ABTB2: variants seen among roughly 807,000 people sequenced by gnomAD.
The protein encoded by ABTB2 is ankyrin repeat and BTB domain containing 2.
Under a neutral mutation model 104.1 loss-of-function variants are expected in ABTB2, and 56 were observed. That is an observed-to-expected ratio of 0.54 (90% CI 0.43 to 0.67). The LOEUF is 0.67. ABTB2 is among the 30% of genes least tolerant of loss of function. ABTB2 has a pLI of 0.00. For missense variants in ABTB2, 1,279 were observed against 1,407.7 expected (o/e 0.91, Z 1.46); for synonymous variants, 606 against 608.2 (o/e 1.00, Z 0.05).
intron 3 of ABTB2, among the ~76,000 whole-genome samples, chr11:34,182,906 G>A (rs1357103701): frequency 6.6e-6 from 1 of 152,056 alleles, no homozygotes; most frequent in African/African-American, 2.4e-5. Flanking sequence ...AGAGAGGTGA[G>A]GTCACTTGCC....
chr11:34,181,530 G>T (rs936308952), intron 3 of ABTB2, among the ~76,000 whole-genome samples: 1 of 152,172 alleles, frequency 6.6e-6, no homozygotes, highest in African/African-American at 2.4e-5. Flanking sequence ...AATGAGGCCA[G>T]CCGGTTTGTG....
chr11:34,270,077 A>G (rs1253444739), intron 1 of ABTB2, among the ~76,000 whole-genome samples: 1 of 152,150 alleles, frequency 6.6e-6, no homozygotes, highest in Non-Finnish European at 1.5e-5. Context: ...CCCTTTTCTC[A>G]TGGATGCTTC....
At chr11:34,280,855 T>A (rs1338032210) in intron 1 of ABTB2, among the ~76,000 whole-genome samples, 1 of 152,210 alleles carries the variant, frequency 6.6e-6, no homozygotes, top group East Asian at 1.9e-4. Context: ...GAAGAGGCAG[T>A]GGACTCAAAG....
At chr11:34,180,615 T>C (rs764144215) in intron 3 of ABTB2, among the ~76,000 whole-genome samples, 12 of 152,226 alleles carry the variant, frequency 7.9e-5, no homozygotes, top group African/African-American at 2.7e-4. Context: ...GGTCTTTTTA[T>C]ATGAGAAGCA....
chr11:34,229,330 A>G (rs961664466), intron 1 of ABTB2, among the ~76,000 whole-genome samples: 2 of 151,394 alleles, frequency 1.3e-5, no homozygotes. Context: ...AAATACAAAA[A>G]ATTAGCCAGG....
chr11:34,322,651 G>T (rs528229634), intron 1 of ABTB2, among the ~76,000 whole-genome samples: 2 of 152,070 alleles, frequency 1.3e-5, no homozygotes. Context: ...CAATGGCATT[G>T]TGAGAATTAA....
intron 1 of ABTB2, among the ~76,000 whole-genome samples, chr11:34,323,906 C>CTTTTTTTTTTTTTTTTTT (rs56375939): frequency 1.6e-5 from 1 of 63,878 alleles, no homozygotes; most frequent in Non-Finnish European, 2.7e-5. Flanking sequence ...TAAATTCCCT[C>CTTTTTTTTTTTTTTTTTT]TTTTTTTTTT....
chr11:34,209,743 GGGGGTAGGGGTGGGGGTA>G lies in ABTB2; in HGVS notation c.884-5071_884-5054del, dbSNP rs1853456767. On this transcript the variant is annotated intron_variant, in intron 1 of 16. Coordinates refer to ENST00000435224, the MANE Select transcript of ABTB2 (RefSeq NM_145804.3). ...AGGTTGGGGGGTCAGGGGTGGGGGT[GGGGGTAGGGGTGGGGGTA>G]GGGTGGGGGTGGAGGGTAGGGGTGG... Among the ~76,000 whole-genome samples, 5 of 27,396 alleles carry G rather than the reference GGGGGTAGGGGTGGGGGTA, an allele frequency of 1.8e-4. No individual in the cohort carries two copies. In the East Asian group the frequency reaches 6.7e-3, roughly 37 times the overall value. 18.0% of individuals were successfully genotyped at this position (27,396 alleles called of 152,430 possible). A position where few individuals can be genotyped will look rare whatever the true frequency, so the allele number is the denominator to read the frequency against.
At chr11:34,235,054 G>T (rs926293198) in intron 1 of ABTB2, among the ~76,000 whole-genome samples, 4 of 152,034 alleles carry the variant, frequency 2.6e-5, no homozygotes, top group African/African-American at 9.7e-5. Context: ...GTAGAGATGG[G>T]GTTTCACCGT....
At chr11:34,316,548 G>A (rs558883199) in intron 1 of ABTB2, among the ~76,000 whole-genome samples, 17 of 152,256 alleles carry the variant, frequency 1.1e-4, no homozygotes, top group Middle Eastern at 3.4e-3. Context: ...GTCAGTGACC[G>A]AGTGGCAAAC....
chr11:34,251,851 A>C (rs1854060882), intron 1 of ABTB2, among the ~76,000 whole-genome samples: 1 of 151,988 alleles, frequency 6.6e-6, no homozygotes, highest in South Asian at 2.1e-4. Context: ...AGACTAAAAA[A>C]ACAGGAGCTT....
intron 1 of ABTB2, among the ~76,000 whole-genome samples, chr11:34,314,753 T>C (rs2133107175): frequency 6.6e-6 from 1 of 152,260 alleles, no homozygotes; most frequent in Admixed American, 6.5e-5. Context: ...CAGATCAAAA[T>C]GAAAATGGGA....
intron 2 of ABTB2, 146 bp downstream of exon 2, chr11:34,204,398 T>C (rs1326577222): frequency 1.0e-6 from 1 of 986,994 alleles, no homozygotes; most frequent in Non-Finnish European, 1.4e-6. Flanking sequence ...TCTAGAAAGA[T>C]CTAGCTTTCA....
At position 34,195,389 on chromosome 11, in the gene ABTB2, G is replaced by A. The variant is rs187822892; in HGVS notation, c.1244+1936C>T. Among the ~76,000 whole-genome samples, 191 of 152,332 alleles carry A rather than the reference G, an allele frequency of 1.3e-3. 1 individual carries two copies. Among genetic ancestry groups the A allele is most frequent in the African/African-American group, 4.2e-3 (175 of 41,574 alleles). On this transcript the variant is annotated intron_variant, in intron 3 of 16. Transcript: ENST00000435224. ...GGCCTATGCTTTGGCCCCAGCTCCC[G>A]CCAAAGGTGTCTTTCAGGATGCCCA... is the stretch of plus-strand genomic sequence containing the variant.
intron 7 of ABTB2, 127 bp from the exon 8 acceptor site, chr11:34,165,483 C>T (rs527317115): frequency 1.4e-4 from 94 of 694,602 alleles, no homozygotes; most frequent in Non-Finnish European, 9.4e-6. Context: ...CAGTTCACCC[C>T]AGCAGCTGAG....
chr11:34,159,744 A>T (rs1337602741), intron 13 of ABTB2, among the ~76,000 whole-genome samples, 162 bp downstream of exon 13: 1 of 152,180 alleles, frequency 6.6e-6, no homozygotes, highest in Non-Finnish European at 1.5e-5. Context: ...ACCCCGTCTC[A>T]TCCCGCTGTG....
chr11:34,313,963 C>T (rs1854891894), intron 1 of ABTB2, among the ~76,000 whole-genome samples: 1 of 152,198 alleles, frequency 6.6e-6, no homozygotes, highest in Admixed American at 6.5e-5. Context: ...GGTTGGAGGG[C>T]ACAACCTGGC....
intron 1 of ABTB2, among the ~76,000 whole-genome samples, chr11:34,316,913 G>C (rs1026726539): frequency 1.3e-5 from 2 of 152,162 alleles, no homozygotes; most frequent in Admixed American, 1.3e-4. Context: ...ACCTCACTGG[G>C]GAAGCCCGGG....
intron 1 of ABTB2, among the ~76,000 whole-genome samples, chr11:34,248,114 A>ATTTTTTTTTT (rs1363625721): frequency 2.4e-5 from 3 of 126,342 alleles, no homozygotes; most frequent in African/African-American, 6.2e-5. Flanking sequence ...AAAAAAAAAA[A>ATTTTTTTTTT]AAAAAAAACA....
Sources: allele counts gnomAD v4.1 joint callset (sites outside exome capture counted in the v4.1 genomes callset), GRCh38; gene constraint gnomAD v4.1.1; transcripts MANE v1.5; gene names NCBI Gene and HGNC (gene_info 2026-07-23, HGNC 2026-07-21).